Variants in MYO1D observed in about 807,000 individuals in gnomAD.
MYO1D encodes the protein unconventional myosin-Id.
In MYO1D, 83 loss-of-function variants were observed where a neutral mutation model predicts 122.0. That is an observed-to-expected ratio of 0.68 (90% CI 0.57 to 0.82). The LOEUF (loss-of-function observed/expected upper bound fraction) is 0.82. MYO1D is among the 40% of genes least tolerant of loss of function. The pLI, the probability that MYO1D is intolerant of heterozygous loss-of-function variation, is 0.00. For missense variants in MYO1D, 1,157 were observed against 1,269.5 expected (o/e 0.91, Z 1.35); for synonymous variants, 464 against 446.9 (o/e 1.04, Z -0.48).
chr17:32,557,182 G>A (rs568710469), intron 21 of MYO1D, among the ~76,000 whole-genome samples: 1 of 151,216 alleles, frequency 6.6e-6, no homozygotes, highest in South Asian at 2.1e-4. Flanking sequence ...TCAGTGGCGT[G>A]ATCTCGGCTC....
At chr17:32,785,066 AG>A (rs1302866368) in intron 1 of MYO1D, among the ~76,000 whole-genome samples, 1 of 152,224 alleles carries the variant, frequency 6.6e-6, no homozygotes, top group Non-Finnish European at 1.5e-5. Flanking sequence ...GGGGAATGGT[AG>A]GAGAAATGAG....
chr17:32,557,211 C>T (rs1181613878), intron 21 of MYO1D, among the ~76,000 whole-genome samples: 2 of 151,780 alleles, frequency 1.3e-5, no homozygotes, highest in Non-Finnish European at 2.9e-5. Context: ...CTCTGCCTTC[C>T]GGTTTCAAGC....
At chr17:32,784,801 C>T (rs1007896301) in intron 1 of MYO1D, among the ~76,000 whole-genome samples, 1 of 152,010 alleles carries the variant, frequency 6.6e-6, no homozygotes, top group African/African-American at 2.4e-5. Context: ...ACATGCACAA[C>T]CCCACAGAAA....
intron 21 of MYO1D, among the ~76,000 whole-genome samples, chr17:32,530,677 T>A (rs112379771): frequency 6.6e-6 from 1 of 152,176 alleles, no homozygotes; most frequent in Non-Finnish European, 1.5e-5. Flanking sequence ...GGTGCATGCC[T>A]GTAGTCCCAG....
Position 32,841,329 on chromosome 17 carries a change from C to G in MYO1D, c.95+35449G>C, listed in dbSNP as rs1446040916. Among the ~76,000 whole-genome samples, 3 of 152,020 alleles carry G rather than the reference C, an allele frequency of 2.0e-5. No individual in the cohort carries two copies. In the East Asian group the frequency reaches 5.8e-4, roughly 29 times the overall value. On this transcript the variant is annotated intron_variant, in intron 1 of 21. Coordinates refer to ENST00000318217, the MANE Select transcript of MYO1D (RefSeq NM_015194.3). ...CAAAAAATAGAAAAAATTAGCCAGG[C>G]ACGGTTGCATGCTGTAGTCCCAGCT...
intron 12 of MYO1D, among the ~76,000 whole-genome samples, chr17:32,748,512 T>C (rs1168576700): frequency 6.6e-6 from 1 of 152,190 alleles, no homozygotes; most frequent in Non-Finnish European, 1.5e-5. Flanking sequence ...CTATAATGCC[T>C]GTGCTTCTCT....
At chr17:32,495,362 C>T (rs147725399) in intron 21 of MYO1D, among the ~76,000 whole-genome samples, 123 of 152,364 alleles carry the variant, frequency 8.1e-4, no homozygotes, top group African/African-American at 2.7e-3. Flanking sequence ...TGTCACACCC[C>T]GGCTGGTGGA....
chr17:32,500,177 G>A (rs1004719990), intron 21 of MYO1D, among the ~76,000 whole-genome samples: 5 of 152,168 alleles, frequency 3.3e-5, no homozygotes, highest in Non-Finnish European at 5.9e-5. Context: ...GGTTCTGGAC[G>A]TGCTGGGGCC....
chr17:32,655,714 T>C (rs1231036577), intron 17 of MYO1D, among the ~76,000 whole-genome samples: 1 of 152,128 alleles, frequency 6.6e-6, no homozygotes, highest in African/African-American at 2.4e-5. Context: ...CTTTGGCCTT[T>C]CCTCTGAATG....
intron 20 of MYO1D, among the ~76,000 whole-genome samples, chr17:32,618,000 T>C (rs192318297): frequency 1.3e-5 from 2 of 152,294 alleles, no homozygotes; most frequent in East Asian, 3.9e-4. Context: ...TCAAAGTTGT[T>C]ATGGTGAATG....
chr17:32,547,972 C>T (rs931993410), intron 21 of MYO1D, among the ~76,000 whole-genome samples: 11 of 150,980 alleles, frequency 7.3e-5, no homozygotes, highest in Non-Finnish European at 1.3e-4. Context: ...AAATTCACTA[C>T]GGAGAGTGGT....
At chr17:32,751,062 T>G (rs769123321) in intron 11 of MYO1D, among the ~76,000 whole-genome samples, 1 of 152,154 alleles carries the variant, frequency 6.6e-6, no homozygotes, top group Non-Finnish European at 1.5e-5. Flanking sequence ...CAGGAGGTTT[T>G]AGATTTTTCT....
At chr17:32,764,176 G>C (rs2090030692) in intron 8 of MYO1D, among the ~76,000 whole-genome samples, 1 of 152,158 alleles carries the variant, frequency 6.6e-6, no homozygotes. Context: ...GGCACAAAAA[G>C]ACAAATATTG....
intron 16 of MYO1D, among the ~76,000 whole-genome samples, chr17:32,675,216 A>G (rs1409821479): frequency 6.6e-6 from 1 of 152,222 alleles, no homozygotes; most frequent in East Asian, 1.9e-4. Flanking sequence ...CACAGTAATG[A>G]GTAGCTCATG....
At chr17:32,736,344 C>T (rs2089700713) in intron 14 of MYO1D, among the ~76,000 whole-genome samples, 1 of 152,216 alleles carries the variant, frequency 6.6e-6, no homozygotes, top group South Asian at 2.1e-4. Context: ...TCCCTGACAA[C>T]TCTATATAGC....
At chr17:32,736,480 A>G (rs1231665468) in intron 14 of MYO1D, among the ~76,000 whole-genome samples, 1 of 152,188 alleles carries the variant, frequency 6.6e-6, no homozygotes. Flanking sequence ...GGAAGGACAG[A>G]AAGAACTTGG....
At chr17:32,682,389 C>G (rs1289632947) in intron 16 of MYO1D, among the ~76,000 whole-genome samples, 2 of 146,940 alleles carry the variant, frequency 1.4e-5, no homozygotes, top group African/African-American at 5.1e-5. Flanking sequence ...GCGGCTGGTA[C>G]CGGTTGTTCC....
At chr17:32,554,250 G>C (rs531547794) in intron 21 of MYO1D, among the ~76,000 whole-genome samples, 1 of 151,784 alleles carries the variant, frequency 6.6e-6, no homozygotes, top group Non-Finnish European at 1.5e-5. Flanking sequence ...TGCACATAGT[G>C]AGAGCTACTC....
At chr17:32,635,682 G>A (rs544865831) in intron 20 of MYO1D, among the ~76,000 whole-genome samples, 139 of 152,138 alleles carry the variant, frequency 9.1e-4, no homozygotes, top group Non-Finnish European at 1.7e-3. Flanking sequence ...GACAGAGCAA[G>A]ACTCCGTCTC....
Sources: gnomAD v4.1 joint callset for allele counts (sites outside exome capture counted in the v4.1 genomes callset) on GRCh38, gnomAD v4.1.1 for gene constraint, MANE v1.5 for transcripts, NCBI Gene and HGNC (gene_info 2026-07-23, HGNC 2026-07-21) for gene names.